ERCC8: variants seen among roughly 807,000 people sequenced by gnomAD.
ERCC8 encodes the protein DNA excision repair protein ERCC-8.
Under a neutral mutation model 54.9 loss-of-function variants are expected in ERCC8, and 52 were observed. The observed-to-expected ratio is 0.95, with a 90% confidence interval of 0.76 to 1.19. The LOEUF (loss-of-function observed/expected upper bound fraction) is 1.19. ERCC8 is among the 50% of genes most tolerant of loss of function. The pLI is 0.00. For synonymous variants in ERCC8, 146 were observed against 157.2 expected (o/e 0.93, Z 0.53); for missense variants, 514 against 466.1 (o/e 1.10, Z -0.95).
At chr5:60,908,990 A>G (rs1015102799) in intron 4 of ERCC8, among the ~76,000 whole-genome samples, 3 of 152,148 alleles carry the variant, frequency 2.0e-5, no homozygotes, top group African/African-American at 7.2e-5. Flanking sequence ...AAGCAAAGTC[A>G]GTATAGTCAT....
chr5:60,882,443 G>A (rs1042695569), intron 11 of ERCC8, among the ~76,000 whole-genome samples: 2 of 152,180 alleles, frequency 1.3e-5, no homozygotes, highest in African/African-American at 2.4e-5. Context: ...CACCCAGGCT[G>A]GAGTGCAGTG....
chr5:60,875,698 AT>A (rs996730950), intron 11 of ERCC8, among the ~76,000 whole-genome samples: 4 of 149,822 alleles, frequency 2.7e-5, no homozygotes, highest in African/African-American at 4.9e-5. Context: ...ACTTAGAGAA[AT>A]TTTTTTTTTC....
chr5:60,927,036 C>G (rs954756607), intron 2 of ERCC8, among the ~76,000 whole-genome samples: 2 of 151,862 alleles, frequency 1.3e-5, no homozygotes, highest in Admixed American at 6.6e-5. Flanking sequence ...GACAAGAAAA[C>G]TTAGTATTAA....
At chr5:60,928,726 T>C (rs1301742572) in intron 2 of ERCC8, 138 bp downstream of exon 2, 6 of 580,668 alleles carry the variant, frequency 1.0e-5, no homozygotes, top group Admixed American at 9.3e-5. Context: ...TTGAAATTAA[T>C]AATGCCAGAT....
At chr5:60,930,881 C>T (rs1749888996) in intron 1 of ERCC8, among the ~76,000 whole-genome samples, 1 of 151,990 alleles carries the variant, frequency 6.6e-6, no homozygotes. Context: ...CCAAGGAGGC[C>T]GGATCACTTG....
intron 1 of ERCC8, among the ~76,000 whole-genome samples, chr5:60,935,233 GTAGAGGTCTTT>G (rs1183323782): frequency 6.6e-6 from 1 of 152,044 alleles, no homozygotes; most frequent in African/African-American, 2.4e-5. Flanking sequence ...GTTTTGTCTT[GTAGAGGTCTTT>G]TACCTCCCTG....
At position 60,871,412 on chromosome 5, in the gene ERCC8, T is replaced by C. The variant is rs987997980; in HGVS notation, c.*3203A>G. Among the ~76,000 whole-genome samples the C allele has an allele frequency of 6.6e-6, 1 of 152,188 alleles. No homozygotes were observed. Among genetic ancestry groups the C allele is most frequent in the African/African-American group, 2.4e-5 (1 of 41,450 alleles). On this transcript the variant is annotated 3_prime_UTR_variant, in exon 12 of 12. Transcript: ENST00000676185. ...AAAATACATCCCCTATATGTCTGCA[T>C]AGATATATATAGGATTGCAATATGA...
At chr5:60,881,560 C>T (rs369936433) in intron 11 of ERCC8, among the ~76,000 whole-genome samples, 7 of 152,314 alleles carry the variant, frequency 4.6e-5, no homozygotes, top group East Asian at 3.9e-4. Context: ...TCAGCAATGG[C>T]GGGCGCCCCT....
chr5:60,879,983 T>C (rs1748154490), intron 11 of ERCC8, among the ~76,000 whole-genome samples: 1 of 152,234 alleles, frequency 6.6e-6, no homozygotes, highest in Admixed American at 6.5e-5. Flanking sequence ...CAATTTGGCA[T>C]GTTTTTGCAG....
At chr5:60,891,455 G>T (rs1037990953) in intron 9 of ERCC8, among the ~76,000 whole-genome samples, 1 of 151,872 alleles carries the variant, frequency 6.6e-6, no homozygotes, top group Non-Finnish European at 1.5e-5. Context: ...TTTCTAAAAG[G>T]GCAAATGGTT....
intron 4 of ERCC8, chr5:60,909,643 C>T (rs1749196003): frequency 6.5e-6 from 1 of 152,758 alleles, no homozygotes; most frequent in South Asian, 2.1e-4. Context: ...TTTTCTCTAG[C>T]TTACTTTATT....
chr5:60,938,349 A>ATTTTTTT, intron 1 of ERCC8, among the ~76,000 whole-genome samples: 1 of 108,770 alleles, frequency 9.2e-6, no homozygotes, highest in Non-Finnish European at 1.7e-5. Flanking sequence ...TACCTTTTTG[A>ATTTTTTT]ATTTTTTTTT....
intron 1 of ERCC8, among the ~76,000 whole-genome samples, chr5:60,943,370 G>C (rs907131472): frequency 2.6e-5 from 4 of 152,186 alleles, no homozygotes; most frequent in African/African-American, 7.2e-5. Context: ...AGTTACCACA[G>C]TTTATTAACC....
chr5:60,893,470 A>G, intron 9 of ERCC8: 1 of 953,318 alleles, frequency 1.0e-6, no homozygotes, highest in Non-Finnish European at 1.7e-6. Context: ...CAAACTGAGG[A>G]GCAGAGGGCA....
chr5:60,919,358 T>A (rs1303503607), intron 3 of ERCC8: 1 of 151,998 alleles, frequency 6.6e-6, no homozygotes, highest in African/African-American at 2.4e-5. Context: ...ATCTTGTATA[T>A]GTTTGAAATT....
intron 2 of ERCC8, among the ~76,000 whole-genome samples, chr5:60,925,320 A>G (rs1045154580): frequency 6.6e-6 from 1 of 151,660 alleles, no homozygotes; most frequent in African/African-American, 2.4e-5. Context: ...CTTTGTTTCT[A>G]TTGTCTCTGT....
chr5:60,929,747 T>C (rs1468159327), intron 1 of ERCC8, among the ~76,000 whole-genome samples: 1 of 152,232 alleles, frequency 6.6e-6, no homozygotes, highest in East Asian at 1.9e-4. Context: ...GAGCATATTA[T>C]TAAGATTAAA....
At chr5:60,940,201 A>G (rs995893907) in intron 1 of ERCC8, among the ~76,000 whole-genome samples, 2 of 152,190 alleles carry the variant, frequency 1.3e-5, no homozygotes, top group Non-Finnish European at 2.9e-5. Flanking sequence ...TAATACTACT[A>G]TAAAAACTAA....
chr5:60,895,439 T>A (rs564219176), intron 9 of ERCC8, among the ~76,000 whole-genome samples: 2 of 152,254 alleles, frequency 1.3e-5, no homozygotes, highest in East Asian at 3.9e-4. Context: ...TAAACACTCA[T>A]CTTTTTTTTG....
Sources: gnomAD v4.1 joint callset for allele counts (sites outside exome capture counted in the v4.1 genomes callset) on GRCh38, gnomAD v4.1.1 for gene constraint, MANE v1.5 for transcripts, NCBI Gene and HGNC (gene_info 2026-07-23, HGNC 2026-07-21) for gene names.